Variants in MICOS10 observed in about 807,000 individuals in gnomAD.
MICOS10 encodes the protein MICOS complex subunit MIC10.
In MICOS10, 5 loss-of-function variants were observed where a neutral mutation model predicts 13.4. The ratio of observed to expected loss-of-function variants is 0.37; its 90% CI spans 0.20 to 0.78. The LOEUF is 0.78. Ranked by LOEUF, MICOS10 falls within the 30% of genes least tolerant of loss-of-function variation. MICOS10 has a pLI of 0.47. For synonymous variants in MICOS10, 35 were observed against 33.6 expected (o/e 1.04, Z -0.15); for missense variants, 101 against 94.6 (o/e 1.07, Z -0.28).
intron 1 of MICOS10, among the ~76,000 whole-genome samples, chr1:19,602,837 C>T (rs2094820860): frequency 6.6e-6 from 1 of 152,158 alleles, no homozygotes; most frequent in African/African-American, 2.4e-5. Flanking sequence ...GTCTTATCAA[C>T]CTAGGAGACT....
At chr1:19,608,528 A>G in intron 1 of MICOS10, 1 of 1,035,594 alleles carries the variant, frequency 9.7e-7, no homozygotes, top group Non-Finnish European at 1.5e-6. Flanking sequence ...CCCCTCTGAC[A>G]GCACTCTCAG....
chr1:19,600,570 A>G (rs1186349472), intron 1 of MICOS10, among the ~76,000 whole-genome samples: 8 of 152,196 alleles, frequency 5.3e-5, no homozygotes, highest in Non-Finnish European at 1.2e-4. Context: ...AGGCCAATGC[A>G]GGCTTTCAGC....
chr1:19,618,301 ATTTTG>A (rs2094891802), intron 1 of MICOS10, among the ~76,000 whole-genome samples: 2 of 150,944 alleles, frequency 1.3e-5, no homozygotes, highest in East Asian at 3.9e-4. Context: ...TATTATTATT[ATTTTG>A]TTTTGTTTTT....
At chr1:19,618,126 T>G (rs2094890924) in intron 1 of MICOS10, among the ~76,000 whole-genome samples, 1 of 149,678 alleles carries the variant, frequency 6.7e-6, no homozygotes, top group Admixed American at 6.7e-5. Flanking sequence ...TTTTTTTTTT[T>G]GGCAAGGTCT....
intron 1 of MICOS10, among the ~76,000 whole-genome samples, chr1:19,611,204 A>T (rs1276665521): frequency 1.3e-5 from 2 of 152,092 alleles, no homozygotes; most frequent in Non-Finnish European, 2.9e-5. Context: ...CCCCAACTTC[A>T]GCTTCCCAAA....
In MICOS10 at chr1:19,597,004, G is replaced by T. The variant is rs772723869; in HGVS notation, c.-42G>T. 4 of 1,562,604 alleles carry T rather than the reference G, an allele frequency of 2.6e-6. No individual in the cohort carries two copies. The highest frequency in any genetic ancestry group is 2.8e-5 in the African/African-American group (2 of 70,666). On this transcript the variant is annotated 5_prime_UTR_variant, in exon 1 of 4. Transcript: ENST00000322753. ...GCGAGACTTTCAGGGGTCGGAGCGC[G>T]GGGGCCGGCCGAGAGGAAAGCTGGA... is the stretch of plus-strand genomic sequence containing the variant.
chr1:19,626,143 C>G (rs1340822026), intron 3 of MICOS10, among the ~76,000 whole-genome samples: 1 of 152,160 alleles, frequency 6.6e-6, no homozygotes, highest in Non-Finnish European at 1.5e-5. Flanking sequence ...AATTGTTATC[C>G]AGGTCATGAT....
chr1:19,610,822 G>A (rs1055643470), intron 1 of MICOS10, among the ~76,000 whole-genome samples: 3 of 152,114 alleles, frequency 2.0e-5, no homozygotes, highest in Admixed American at 2.0e-4. Context: ...ATTAACTAAA[G>A]CAACTGATTT....
intron 1 of MICOS10, chr1:19,608,449 C>T (rs1558340288): frequency 3.9e-6 from 5 of 1,282,572 alleles, no homozygotes; most frequent in Admixed American, 3.4e-5. Context: ...GACCTGGGGC[C>T]CAGTCGGCCC....
intron 1 of MICOS10, among the ~76,000 whole-genome samples, chr1:19,616,159 G>A (rs534527122): frequency 4.6e-5 from 7 of 152,148 alleles, no homozygotes; most frequent in Admixed American, 6.5e-5. Context: ...CAGGTGATCC[G>A]CCTGCCTCGG....
At chr1:19,606,687 A>T (rs1446092833) in intron 1 of MICOS10, among the ~76,000 whole-genome samples, 1 of 152,132 alleles carries the variant, frequency 6.6e-6, no homozygotes, top group Non-Finnish European at 1.5e-5. Context: ...GTGAGGTTGC[A>T]GTGAGCCAAG....
chr1:19,611,035 T>C (rs927840242), intron 1 of MICOS10, among the ~76,000 whole-genome samples: 2 of 151,884 alleles, frequency 1.3e-5, no homozygotes, highest in African/African-American at 2.4e-5. Flanking sequence ...CACTGCCACC[T>C]CCACCTCCCG....
chr1:19,613,953 T>C (rs551264665), intron 1 of MICOS10, among the ~76,000 whole-genome samples: 2 of 152,168 alleles, frequency 1.3e-5, no homozygotes, highest in Non-Finnish European at 2.9e-5. Context: ...AATAAGTTTA[T>C]TGTGAAGATT....
At chr1:19,609,882 T>C (rs2094852267) in intron 1 of MICOS10, among the ~76,000 whole-genome samples, 1 of 152,168 alleles carries the variant, frequency 6.6e-6, no homozygotes, top group Admixed American at 6.6e-5. Context: ...CGGTGGCTCA[T>C]GCCTGTAATC....
rs1284807735 is a variant in MICOS10 at position 19,629,244 on chromosome 1, G to C, written c.*2843G>C. 6.6e-6 allele frequency: 1 copy of C among 152,210 alleles called. No homozygotes were observed. Among genetic ancestry groups the C allele is most frequent in the African/African-American group, 2.4e-5 (1 of 41,458 alleles). 9.4% of individuals were successfully genotyped at this position (152,210 alleles called of 1,614,324 possible). ...GTGCAACTGACTTTGTTTCTTGTCT[G>C]CCTTTCTGGAACCAAATCCAAGGAA... On this transcript the variant is annotated 3_prime_UTR_variant, in exon 4 of 4. Coordinates refer to ENST00000322753, the MANE Select transcript of MICOS10 (RefSeq NM_001032363.4).
intron 1 of MICOS10, among the ~76,000 whole-genome samples, chr1:19,621,537 C>G (rs2094903458): frequency 6.6e-6 from 1 of 152,148 alleles, no homozygotes; most frequent in South Asian, 2.1e-4. Flanking sequence ...CCGCAACTAA[C>G]TAAACAATAT....
chr1:19,606,201 A>T (rs2094834111), intron 1 of MICOS10, among the ~76,000 whole-genome samples: 1 of 152,144 alleles, frequency 6.6e-6, no homozygotes, highest in African/African-American at 2.4e-5. Flanking sequence ...ATATTTACAG[A>T]ACTTGAAATG....
intron 1 of MICOS10, among the ~76,000 whole-genome samples, chr1:19,604,919 A>G (rs1021036791): frequency 6.6e-6 from 1 of 152,198 alleles, no homozygotes; most frequent in East Asian, 1.9e-4. Flanking sequence ...GGAGAGGGAT[A>G]CTTTGGTTCC....
Position 19,623,543 on chromosome 1 carries a change from A to T in MICOS10, c.182A>T (p.Asp61Val), listed in dbSNP as rs571041886. The stretch of plus-strand genomic sequence containing the variant: ...ATGGCTTATTCCAACTGTCAGCATG[A>T]TTTCCAGGCTCCATATCTTCTACAT... ...LGMAYSNCQH[D>V]FQAPYLLHGK... Residue 61 changes from aspartate (D) to valine (V), a missense_variant, in exon 3 of 4, where the codon GAT becomes GTT. Physicochemically the swap from Asp to Val is radical, Grantham distance 152 (BLOSUM62 -3). Transcript: ENST00000322753. 1.9e-6 allele frequency: 3 copies of T among 1,613,502 alleles called. No homozygotes were observed. Among genetic ancestry groups the T allele is most frequent in the Non-Finnish European group, 2.5e-6 (3 of 1,179,594 alleles).
Sources: gnomAD v4.1 joint callset for allele counts (sites outside exome capture counted in the v4.1 genomes callset) on GRCh38, gnomAD v4.1.1 for gene constraint, MANE v1.5 for transcripts, NCBI Gene and HGNC (gene_info 2026-07-23, HGNC 2026-07-21) for gene names.